Variants in CCDC149 observed in about 807,000 individuals in gnomAD.
CCDC149 encodes the protein coiled-coil domain-containing protein 149.
A neutral mutation model predicts 59.9 loss-of-function variants in CCDC149; 45 were observed. The ratio of observed to expected loss-of-function variants is 0.75; its 90% CI spans 0.59 to 0.96. The LOEUF (loss-of-function observed/expected upper bound fraction) is 0.96. CCDC149 is among the 40% of genes least tolerant of loss of function. CCDC149 has a pLI of 0.00. For synonymous variants in CCDC149, 245 were observed against 260.6 expected (o/e 0.94, Z 0.58); for missense variants, 584 against 664.7 (o/e 0.88, Z 1.33).
At chr4:24,869,423 C>T (rs753393938) in intron 3 of CCDC149, among the ~76,000 whole-genome samples, 11 of 152,294 alleles carry the variant, frequency 7.2e-5, no homozygotes, top group East Asian at 1.9e-4. Flanking sequence ...CTGTCTCCCA[C>T]GAGGGCTGCT....
At chr4:24,980,008 TA>T (rs1438826588) in intron 1 of CCDC149, 1 of 152,212 alleles carries the variant, frequency 6.6e-6, no homozygotes, top group Non-Finnish European at 1.5e-5. Flanking sequence ...CTGTATATAA[TA>T]TAAAGTAATT....
intron 9 of CCDC149, 118 bp downstream of exon 9, chr4:24,831,388 T>C (rs1716133810): frequency 4.1e-6 from 4 of 965,190 alleles, no homozygotes; most frequent in Non-Finnish European, 6.3e-6. Context: ...TCCTTCTTGA[T>C]TTGAGGGGTC....
At chr4:24,939,044 T>C (rs1722868145) in intron 1 of CCDC149, among the ~76,000 whole-genome samples, 1 of 151,968 alleles carries the variant, frequency 6.6e-6, no homozygotes, top group Admixed American at 6.5e-5. Context: ...TTGAAGAGAG[T>C]AGTGTTTCTC....
At chr4:24,944,116 C>T (rs1723034499) in intron 1 of CCDC149, among the ~76,000 whole-genome samples, 2 of 152,144 alleles carry the variant, frequency 1.3e-5, no homozygotes, top group Non-Finnish European at 2.9e-5. Context: ...TTTATTGCGG[C>T]ACTATTCACA....
intron 4 of CCDC149, among the ~76,000 whole-genome samples, chr4:24,851,316 G>C (rs1041427753): frequency 9.8e-5 from 15 of 152,288 alleles, no homozygotes; most frequent in Middle Eastern, 3.4e-3. Flanking sequence ...ATGCTAGAGT[G>C]CACTGGCATG....
chr4:24,807,775 A>C lies in CCDC149; in HGVS notation c.*614T>G, dbSNP rs942975899. The C allele has an allele frequency of 3.3e-5, 5 of 152,298 alleles. No homozygotes were observed. Among genetic ancestry groups the C allele is most frequent in the Non-Finnish European group, 7.3e-5 (5 of 68,120 alleles). The allele number at this position is 152,298 out of a possible 1,614,324, so 9.4% of individuals were successfully genotyped here. A position where few individuals can be genotyped will look rare whatever the true frequency, so the allele number is the denominator to read the frequency against. On this transcript the variant is annotated 3_prime_UTR_variant, in exon 13 of 13. Transcript: ENST00000635206. Reference sequence around the variant, plus strand: ...ACCGGGGCTGTGGATTTCAACCCAGAAGCCCAAACTTCTCAGCCGGCTTAA... The same window carrying C: ...ACCGGGGCTGTGGATTTCAACCCAGCAGCCCAAACTTCTCAGCCGGCTTAA...
chr4:24,809,200 T>C (rs976126493), intron 12 of CCDC149, among the ~76,000 whole-genome samples: 2 of 152,116 alleles, frequency 1.3e-5, no homozygotes, highest in African/African-American at 2.4e-5. Context: ...TTGTTAGTAA[T>C]GAAAAAAGGT....
intron 3 of CCDC149, chr4:24,853,381 C>T (rs573768254): frequency 1.5e-4 from 81 of 557,554 alleles, no homozygotes; most frequent in Middle Eastern, 9.3e-4. Flanking sequence ...GGCCATGAAC[C>T]TCAATTTGGA....
intron 1 of CCDC149, among the ~76,000 whole-genome samples, chr4:24,962,921 G>A (rs1248249684): frequency 1.5e-4 from 16 of 105,494 alleles, no homozygotes; most frequent in East Asian, 6.2e-4. Context: ...TAAAATCTTT[G>A]TAAAGTGAAA....
chr4:24,854,976 C>T (rs548480505), intron 3 of CCDC149, among the ~76,000 whole-genome samples: 2 of 152,234 alleles, frequency 1.3e-5, no homozygotes, highest in African/African-American at 2.4e-5. Context: ...CCCGGTGCTA[C>T]CTTACCTTTT....
At chr4:24,819,456 G>A (rs1257319509) in intron 12 of CCDC149, among the ~76,000 whole-genome samples, 1 of 152,184 alleles carries the variant, frequency 6.6e-6, no homozygotes, top group Non-Finnish European at 1.5e-5. Flanking sequence ...GAGTAGCTGG[G>A]ACTACAGGCA....
chr4:24,931,331 A>ATATATATCTC (rs1394185015), intron 1 of CCDC149, among the ~76,000 whole-genome samples: 5 of 147,524 alleles, frequency 3.4e-5, no homozygotes, highest in African/African-American at 1.3e-4. Context: ...ATATATATAT[A>ATATATATCTC]TCTCAGTACA....
In CCDC149 at chr4:24,905,422, T is replaced by C. The variant is rs1043541101; in HGVS notation, c.63+7395A>G. 7.7e-4 allele frequency among the ~76,000 whole-genome samples: 86 copies of C among 111,292 alleles called. 1 individual carries two copies. Among genetic ancestry groups the C allele is most frequent in the Admixed American group, 2.5e-3 (30 of 11,960 alleles). 73.0% of individuals were successfully genotyped at this position (111,292 alleles called of 152,430 possible). On this transcript the variant is annotated intron_variant, in intron 1 of 12. Coordinates refer to ENST00000635206, the MANE Select transcript of CCDC149 (RefSeq NM_001330643.2). ...TTCTTTTTGCGTGCGTGCGTGTGTGTGTGTGTGTGTGTGTGTGTGTGTGTG... is the reference window on the plus strand; with the variant it reads ...TTCTTTTTGCGTGCGTGCGTGTGTGCGTGTGTGTGTGTGTGTGTGTGTGTG...
chr4:24,808,513 C>T lies in CCDC149; in HGVS notation c.1499G>A (p.Gly500Glu). ...GTCCAGGTGAGATTTAGGGAGCTCCCCCTGGATGGCCAGGCCTGGCGGGGC... is the reference window on the plus strand; with the variant it reads ...GTCCAGGTGAGATTTAGGGAGCTCCTCCTGGATGGCCAGGCCTGGCGGGGC... Residue 500 changes from glycine (G) to glutamate (E), a missense_variant, in exon 13 of 13, where the codon GGG becomes GAG. By Grantham distance (98) the Gly-to-Glu change is moderately conservative. Coordinates refer to ENST00000635206, the MANE Select transcript of CCDC149 (RefSeq NM_001330643.2). 1 of 1,532,402 alleles carries T rather than the reference C, an allele frequency of 6.5e-7. No homozygotes were observed. The highest frequency in any genetic ancestry group is 8.8e-7 in the Non-Finnish European group (1 of 1,138,324). The allele number at this position is 1,532,402 out of a possible 1,614,324, so 94.9% of individuals were successfully genotyped here.
intron 1 of CCDC149, among the ~76,000 whole-genome samples, chr4:24,953,404 T>G (rs1723369405): frequency 6.6e-6 from 1 of 152,166 alleles, no homozygotes; most frequent in South Asian, 2.1e-4. Flanking sequence ...TTTCTGCCTT[T>G]TGAGACCCAA....
chr4:24,932,010 A>C (rs973579855), intron 1 of CCDC149, among the ~76,000 whole-genome samples: 6 of 151,906 alleles, frequency 3.9e-5, no homozygotes, highest in Non-Finnish European at 7.4e-5. Flanking sequence ...TGAGGCACAG[A>C]AAGGCTTACA....
intron 3 of CCDC149, among the ~76,000 whole-genome samples, chr4:24,855,073 A>G (rs374188383): frequency 1.7e-3 from 258 of 152,280 alleles, no homozygotes; most frequent in Non-Finnish European, 2.0e-3. Flanking sequence ...TTACTAAAAC[A>G]TAAGTTCCAT....
chr4:24,930,520 G>A (rs920367062), intron 1 of CCDC149, among the ~76,000 whole-genome samples: 1 of 152,098 alleles, frequency 6.6e-6, no homozygotes, highest in Non-Finnish European at 1.5e-5. Flanking sequence ...TACGATTCTT[G>A]GTTTTCTTAG....
At chr4:24,881,209 T>C (rs760219575) in intron 1 of CCDC149, among the ~76,000 whole-genome samples, 6 of 152,200 alleles carry the variant, frequency 3.9e-5, no homozygotes, top group East Asian at 1.9e-4. Flanking sequence ...CAAACGTCTA[T>C]TGGGTCAATA....
Sources: allele counts gnomAD v4.1 joint callset (sites outside exome capture counted in the v4.1 genomes callset), GRCh38; gene constraint gnomAD v4.1.1; transcripts MANE v1.5; gene names NCBI Gene and HGNC (gene_info 2026-07-23, HGNC 2026-07-21).